Variants in NSMCE2 observed in about 807,000 individuals in gnomAD.
NSMCE2 encodes the protein E3 SUMO-protein ligase NSE2.
Under a neutral mutation model 23.8 loss-of-function variants are expected in NSMCE2, and 24 were observed. The ratio of observed to expected loss-of-function variants is 1.01; its 90% CI spans 0.73 to 1.42. NSMCE2 has a LOEUF of 1.42. Ranked by LOEUF, NSMCE2 falls within the 40% of genes most tolerant of loss-of-function variation. The pLI, the probability that NSMCE2 is intolerant of heterozygous loss-of-function variation, is 0.00. For missense variants in NSMCE2, 284 were observed against 296.5 expected, an observed-to-expected ratio of 0.96 and a Z score of 0.31; for synonymous variants, 92 against 94.1, an observed-to-expected ratio of 0.98 and a Z score of 0.13.
chr8:125,261,990 G>A (rs889320561), intron 5 of NSMCE2, among the ~76,000 whole-genome samples: 33 of 151,888 alleles, frequency 2.2e-4, no homozygotes, highest in African/African-American at 6.5e-4. Context: ...TCAATTACTC[G>A]GGAAGCTGAG....
rs540036349 is a variant in NSMCE2, at chr8:125,166,021, G to A, written c.264+14744G>A. 3.9e-5 allele frequency among the ~76,000 whole-genome samples: 6 copies of A among 152,260 alleles called. No homozygotes were observed. The South Asian group carries it at 1.2e-3, about 32-fold the overall frequency. The stretch of plus-strand genomic sequence containing the variant: ...TTAATAATTTCATAATCTTTATTGT[G>A]TTGGGTGAGATGTGATAACAGGGAA... On this transcript the variant is annotated intron_variant, in intron 4 of 7. Coordinates refer to ENST00000287437, the MANE Select transcript of NSMCE2 (RefSeq NM_173685.4).
intron 6 of NSMCE2, 37 bp downstream of exon 6, chr8:125,357,356 A>G (rs1554643280): frequency 3.8e-6 from 5 of 1,326,202 alleles, no homozygotes; most frequent in Non-Finnish European, 5.4e-6. Context: ...AAGAAACACG[A>G]TTCACTTCAC....
chr8:125,302,175 T>A (rs1405996880), intron 5 of NSMCE2, among the ~76,000 whole-genome samples: 1 of 151,966 alleles, frequency 6.6e-6, no homozygotes, highest in East Asian at 1.9e-4. Flanking sequence ...CAGGCTGGTC[T>A]TGAACTCCTG....
At chr8:125,295,086 TA>T (rs897231762) in intron 5 of NSMCE2, among the ~76,000 whole-genome samples, 1 of 152,224 alleles carries the variant, frequency 6.6e-6, no homozygotes, top group African/African-American at 2.4e-5. Context: ...TGTGATGACA[TA>T]GGGTTTTGGC....
chr8:125,344,416 A>G (rs1045823598), intron 5 of NSMCE2, among the ~76,000 whole-genome samples: 2 of 152,126 alleles, frequency 1.3e-5, no homozygotes, highest in Non-Finnish European at 2.9e-5. Flanking sequence ...TTCATCATCT[A>G]TTCCTTCAAT....
At chr8:125,294,741 A>C (rs561155206) in intron 5 of NSMCE2, among the ~76,000 whole-genome samples, 2 of 152,370 alleles carry the variant, frequency 1.3e-5, no homozygotes, top group South Asian at 4.1e-4. Context: ...CATGGAGTTA[A>C]GATTACACAC....
chr8:125,289,334 A>G lies in NSMCE2; in HGVS notation c.419-67885A>G, dbSNP rs144715915. 2.2e-3 allele frequency among the ~76,000 whole-genome samples: 336 copies of G among 152,216 alleles called. 1 individual carries two copies. Among genetic ancestry groups the G allele is most frequent in the African/African-American group, 7.4e-3 (306 of 41,540 alleles). Reference sequence around the variant, plus strand: ...ACATGTAGACTCTCTTCTGCCTCCCATCTTTGCGTTTGAACATGTATTGCT... The same window carrying G: ...ACATGTAGACTCTCTTCTGCCTCCCGTCTTTGCGTTTGAACATGTATTGCT... On this transcript the variant is annotated intron_variant, in intron 5 of 7. Coordinates refer to ENST00000287437, the MANE Select transcript of NSMCE2 (RefSeq NM_173685.4).
intron 5 of NSMCE2, among the ~76,000 whole-genome samples, chr8:125,319,144 A>G (rs1326018247): frequency 6.6e-6 from 1 of 152,240 alleles, no homozygotes; most frequent in Non-Finnish European, 1.5e-5. Context: ...TTGCTTCAGT[A>G]GTAGAAAAAA....
chr8:125,165,688 A>C (rs188365943), intron 4 of NSMCE2, among the ~76,000 whole-genome samples: 1 of 152,212 alleles, frequency 6.6e-6, no homozygotes, highest in African/African-American at 2.4e-5. Flanking sequence ...GAAGTATTCT[A>C]TATGTTAGGA....
intron 5 of NSMCE2, among the ~76,000 whole-genome samples, chr8:125,213,172 T>A (rs1824417461): frequency 6.6e-6 from 1 of 152,232 alleles, no homozygotes; most frequent in Non-Finnish European, 1.5e-5. Context: ...GTACCCTTTT[T>A]TCTTTTTAAG....
intron 5 of NSMCE2, among the ~76,000 whole-genome samples, chr8:125,196,312 CA>C (rs1218447172): frequency 6.6e-6 from 1 of 151,324 alleles, no homozygotes; most frequent in Non-Finnish European, 1.5e-5. Flanking sequence ...ATCAACTCGT[CA>C]TTTACATTAG....
intron 1 of NSMCE2, among the ~76,000 whole-genome samples, chr8:125,097,429 G>A (rs1817992220): frequency 6.6e-6 from 1 of 152,068 alleles, no homozygotes. Context: ...CTTTGTACCT[G>A]TATGCCAGGC....
chr8:125,115,102 G>A (rs1218926854), intron 3 of NSMCE2, among the ~76,000 whole-genome samples: 1 of 152,128 alleles, frequency 6.6e-6, no homozygotes, highest in Non-Finnish European at 1.5e-5. Flanking sequence ...TACATTTTAG[G>A]TTCTCTTTAA....
At chr8:125,329,326 A>G (rs1175843409) in intron 5 of NSMCE2, among the ~76,000 whole-genome samples, 2 of 152,156 alleles carry the variant, frequency 1.3e-5, no homozygotes, top group African/African-American at 4.8e-5. Context: ...AGGAGCTCCC[A>G]CTACAGGAGC....
intron 7 of NSMCE2, among the ~76,000 whole-genome samples, chr8:125,361,067 C>CTTTTTTTTTTTTTTTTTTT: frequency 7.1e-6 from 1 of 140,068 alleles, no homozygotes; most frequent in African/African-American, 2.7e-5. Context: ...TTATGATTTC[C>CTTTTTTTTTTTTTTTTTTT]TTTTTTTTTT....
chr8:125,187,871 G>A (rs76859259), intron 5 of NSMCE2, among the ~76,000 whole-genome samples: 1,879 of 152,116 alleles, frequency 0.012, 47 homozygotes, highest in African/African-American at 0.042. Context: ...AAAGGAGAAC[G>A]TATCATATTA....
intron 4 of NSMCE2, among the ~76,000 whole-genome samples, chr8:125,162,855 A>G (rs565912780): frequency 8.5e-5 from 13 of 152,336 alleles, no homozygotes; most frequent in Admixed American, 3.9e-4. Flanking sequence ...GAAAAAGTGT[A>G]TAAGATTCAC....
At chr8:125,266,233 A>C (rs1314347349) in intron 5 of NSMCE2, among the ~76,000 whole-genome samples, 4 of 152,090 alleles carry the variant, frequency 2.6e-5, no homozygotes, top group Admixed American at 2.0e-4. Context: ...TTGGGATTAC[A>C]GGCATGTGCC....
At chr8:125,175,647 A>T (rs1240448609) in intron 4 of NSMCE2, among the ~76,000 whole-genome samples, 2 of 152,116 alleles carry the variant, frequency 1.3e-5, no homozygotes, top group Non-Finnish European at 2.9e-5. Flanking sequence ...TGTGTGAATG[A>T]CTCAGCTCAT....
Sources: allele counts gnomAD v4.1 joint callset (sites outside exome capture counted in the v4.1 genomes callset), GRCh38; gene constraint gnomAD v4.1.1; transcripts MANE v1.5; gene names NCBI Gene and HGNC (gene_info 2026-07-23, HGNC 2026-07-21).